Variants in DTNB observed in about 807,000 individuals in gnomAD.
DTNB encodes the protein DTN-B.
A neutral mutation model predicts 90.7 loss-of-function variants in DTNB; 63 were observed. The observed-to-expected ratio is 0.69, with a 90% CI of 0.57 to 0.86. The LOEUF is 0.86. DTNB is among the 40% of genes least tolerant of loss of function. The pLI is 0.00. For missense variants in DTNB, 744 were observed against 807.1 expected (o/e 0.92, Z 0.95); for synonymous variants, 277 against 286.7 (o/e 0.97, Z 0.34).
intron 11 of DTNB, among the ~76,000 whole-genome samples, chr2:25,452,242 TC>T (rs1316167301): frequency 6.6e-6 from 1 of 152,178 alleles, no homozygotes; most frequent in Admixed American, 6.5e-5. Context: ...GTACCAATAC[TC>T]TAAAAATCTA....
chr2:25,440,727 C>T (rs905747890), intron 12 of DTNB, among the ~76,000 whole-genome samples: 3 of 152,134 alleles, frequency 2.0e-5, no homozygotes, highest in Admixed American at 6.5e-5. Flanking sequence ...TAATGTATTT[C>T]CATATACTCA....
chr2:25,531,187 A>C (rs1478283189), intron 9 of DTNB, among the ~76,000 whole-genome samples: 1 of 152,194 alleles, frequency 6.6e-6, no homozygotes, highest in African/African-American at 2.4e-5. Context: ...CAAAATCACA[A>C]AAGGCAGCCC....
At chr2:25,517,495 G>T (rs1030941077) in intron 9 of DTNB, among the ~76,000 whole-genome samples, 1 of 152,092 alleles carries the variant, frequency 6.6e-6, no homozygotes, top group South Asian at 2.1e-4. Context: ...TACCCATTAC[G>T]ATGGCTACTA....
At chr2:25,578,832 T>C (rs2061114065) in intron 7 of DTNB, among the ~76,000 whole-genome samples, 1 of 152,090 alleles carries the variant, frequency 6.6e-6, no homozygotes, top group Non-Finnish European at 1.5e-5. Flanking sequence ...CATAGTAATG[T>C]CAATATAATT....
intron 4 of DTNB, among the ~76,000 whole-genome samples, chr2:25,624,689 T>C (rs2073723130): frequency 6.6e-6 from 1 of 152,182 alleles, no homozygotes; most frequent in African/African-American, 2.4e-5. Context: ...AACCTTAAAG[T>C]GTGAAACTGG....
intron 19 of DTNB, chr2:25,383,555 A>T: frequency 1.9e-6 from 1 of 533,932 alleles, no homozygotes; most frequent in Non-Finnish European, 3.2e-6. Context: ...AAACTTCTCC[A>T]GTCAAAGGGT....
chr2:25,577,745 G>A (rs972798307), intron 7 of DTNB, among the ~76,000 whole-genome samples: 10 of 152,088 alleles, frequency 6.6e-5, no homozygotes, highest in Non-Finnish European at 1.3e-4. Flanking sequence ...GCTCACGCCT[G>A]TAATCCTAGC....
In DTNB at chr2:25,503,921, A is replaced by C. The variant is rs2150592215; in HGVS notation, c.1002-21048T>G. 1.3e-5 allele frequency among the ~76,000 whole-genome samples: 2 copies of C among 152,114 alleles called. 1 individual carries two copies. Among genetic ancestry groups the C allele is most frequent in the South Asian group, 4.2e-4 (2 of 4,814 alleles). ...GACACAGCAAGACTCTGTCTCAAAAAAAAGAAAAAAAAAAACAGTTTTATT... is the reference window on the plus strand; with the variant it reads ...GACACAGCAAGACTCTGTCTCAAAACAAAGAAAAAAAAAAACAGTTTTATT... On this transcript the variant is annotated intron_variant, in intron 9 of 20. Coordinates refer to ENST00000406818, the MANE Select transcript of DTNB (RefSeq NM_021907.5).
chr2:25,465,711 T>C (rs2061662523), intron 10 of DTNB, among the ~76,000 whole-genome samples: 1 of 152,134 alleles, frequency 6.6e-6, no homozygotes, highest in Admixed American at 6.5e-5. Flanking sequence ...GGCATGGCCC[T>C]CTTTCCTCCT....
intron 8 of DTNB, among the ~76,000 whole-genome samples, chr2:25,553,082 G>A (rs2056650407): frequency 1.3e-5 from 2 of 151,204 alleles, no homozygotes; most frequent in Admixed American, 6.6e-5. Flanking sequence ...GGATGGTCTC[G>A]ATCTCCTGAC....
Position 25,467,297 on chromosome 2 carries a change from T to C in DTNB, c.1080-11803A>G, listed in dbSNP as rs1004487652. The stretch of plus-strand genomic sequence containing the variant: ...TTGATGTAATCTTTGTTTTCTTTCT[T>C]TCTTTTTTTTTTTTTTTTTGAGACA... On this transcript the variant is annotated intron_variant, in intron 10 of 20. Coordinates refer to ENST00000406818, the MANE Select transcript of DTNB (RefSeq NM_021907.5). 2.6e-5 allele frequency among the ~76,000 whole-genome samples: 3 copies of C among 116,514 alleles called. No homozygotes were observed. The East Asian group carries it at 8.0e-4, about 31-fold the overall frequency. 76.4% of individuals were successfully genotyped at this position (116,514 alleles called of 152,430 possible).
intron 2 of DTNB, chr2:25,649,780 TAA>T (rs2080448971): frequency 6.5e-6 from 1 of 153,956 alleles, no homozygotes; most frequent in African/African-American, 2.4e-5. Context: ...CCATTAAGAC[TAA>T]TAAGAGTTGA....
intron 4 of DTNB, among the ~76,000 whole-genome samples, chr2:25,627,767 C>T (rs376813513): frequency 8.1e-5 from 12 of 147,796 alleles, no homozygotes; most frequent in South Asian, 2.1e-4. Flanking sequence ...GACAATGTCT[C>T]GCTCTGTCGC....
At chr2:25,557,266 T>C (rs1487997312) in intron 8 of DTNB, among the ~76,000 whole-genome samples, 1 of 151,048 alleles carries the variant, frequency 6.6e-6, no homozygotes, top group Non-Finnish European at 1.5e-5. Context: ...GACTAAGAGG[T>C]CTTCCCATGT....
intron 5 of DTNB, among the ~76,000 whole-genome samples, chr2:25,601,018 G>A (rs1282263223): frequency 6.6e-6 from 1 of 152,114 alleles, no homozygotes; most frequent in African/African-American, 2.4e-5. Context: ...TACTTCTTGA[G>A]TTATGGGTTT....
At chr2:25,569,868 G>A (rs2059567317) in intron 8 of DTNB, among the ~76,000 whole-genome samples, 1 of 151,908 alleles carries the variant, frequency 6.6e-6, no homozygotes, top group African/African-American at 2.4e-5. Flanking sequence ...AGGCCGAGGC[G>A]GGCAGATCAC....
At chr2:25,499,734 T>C (rs940708548) in intron 9 of DTNB, among the ~76,000 whole-genome samples, 2 of 152,270 alleles carry the variant, frequency 1.3e-5, no homozygotes, top group Non-Finnish European at 2.9e-5. Context: ...TTGTAAACTT[T>C]GCGAGAGCAG....
intron 12 of DTNB, among the ~76,000 whole-genome samples, chr2:25,449,223 T>C (rs1574610828): frequency 6.6e-6 from 1 of 152,240 alleles, no homozygotes; most frequent in African/African-American, 2.4e-5. Context: ...ATATAACACA[T>C]CTTGTTTATC....
At chr2:25,557,054 G>C (rs939545440) in intron 8 of DTNB, among the ~76,000 whole-genome samples, 3 of 152,176 alleles carry the variant, frequency 2.0e-5, no homozygotes, top group Admixed American at 6.5e-5. Context: ...ACAGTTCTCT[G>C]GCACTCAAAT....
Sources: allele counts gnomAD v4.1 joint callset (sites outside exome capture counted in the v4.1 genomes callset), GRCh38; gene constraint gnomAD v4.1.1; transcripts MANE v1.5; gene names NCBI Gene and HGNC (gene_info 2026-07-23, HGNC 2026-07-21).